ENPP1: variants seen among roughly 807,000 people sequenced by gnomAD.
The protein encoded by ENPP1 is ectonucleotide pyrophosphatase/phosphodiesterase 1.
Under a neutral mutation model 122.8 loss-of-function variants are expected in ENPP1, and 73 were observed. The ratio of observed to expected loss-of-function variants is 0.59; its 90% CI spans 0.49 to 0.72. The LOEUF (loss-of-function observed/expected upper bound fraction) is 0.72, where lower values mean the gene tolerates loss of function less well. Ranked by LOEUF, ENPP1 falls within the 30% of genes least tolerant of loss-of-function variation. ENPP1 has a pLI of 0.00. For missense variants in ENPP1, 978 were observed against 1,128.1 expected, an observed-to-expected ratio of 0.87 and a Z score of 1.91; for synonymous variants, 367 against 391.6, an observed-to-expected ratio of 0.94 and a Z score of 0.74.
chr6:131,844,883 G>A (rs1318347145), intron 1 of ENPP1, among the ~76,000 whole-genome samples: 2 of 152,074 alleles, frequency 1.3e-5, no homozygotes, highest in African/African-American at 2.4e-5. Flanking sequence ...ATTGGAAACT[G>A]ATCTAAACTT....
chr6:131,870,785 A>T (rs904615381), intron 13 of ENPP1, among the ~76,000 whole-genome samples: 2 of 152,220 alleles, frequency 1.3e-5, no homozygotes, highest in African/African-American at 4.8e-5. Context: ...TATAAAAACT[A>T]TACAGATAGA....
In ENPP1 at chr6:131,873,374, C is replaced by T. The variant is rs138705784; in HGVS notation, c.1565+324C>T. Among the ~76,000 whole-genome samples the T allele has an allele frequency of 1.1e-4, 16 of 152,232 alleles. No individual in the cohort carries two copies. In the East Asian group the frequency reaches 3.1e-3, roughly 29 times the overall value. ...AGTCCCATGGGGAGGAAGGATCACC[C>T]AGACCATCCTTGGCTAAGAACCATT... On this transcript the variant is annotated intron_variant, in intron 15 of 24. Coordinates refer to ENST00000647893, the MANE Select transcript of ENPP1 (RefSeq NM_006208.3).
chr6:131,869,325 A>G (rs199561870), intron 12 of ENPP1, 33 bp from the exon 13 acceptor site: 15 of 1,610,260 alleles, frequency 9.3e-6, no homozygotes, highest in Non-Finnish European at 1.3e-5. Context: ...TGTTAAAGTT[A>G]CAGCATGTTT....
In ENPP1 at chr6:131,878,519, A is replaced by C. The variant is rs775633958; in HGVS notation, c.1894-23A>C. 6.5e-6 allele frequency: 10 copies of C among 1,548,784 alleles called. No individual in the cohort carries two copies. In the African/African-American group the frequency reaches 1.4e-4, roughly 21 times the overall value. ...TAAAACATGTCTCTCAGTCCTTAAA[A>C]ATAGTTTTATAACCTTTTTTAGATT... On this transcript the variant is annotated intron_variant, in intron 18 of 24. Transcript: ENST00000647893.
intron 1 of ENPP1, among the ~76,000 whole-genome samples, chr6:131,832,456 A>C (rs1338093327): frequency 1.3e-5 from 2 of 152,152 alleles, no homozygotes; most frequent in Admixed American, 6.5e-5. Context: ...TTACCTTGGG[A>C]ATGATTTAGG....
At chr6:131,831,114 C>CAAAAAAAAAAAAA (rs3036850) in intron 1 of ENPP1, among the ~76,000 whole-genome samples, 24 of 59,940 alleles carry the variant, frequency 4.0e-4, no homozygotes, top group Non-Finnish European at 4.9e-4. Flanking sequence ...GCCCATCTCT[C>CAAAAAAAAAAAAA]AAAAAAAAAA....
chr6:131,852,484 A>G (rs1030581472), intron 5 of ENPP1, among the ~76,000 whole-genome samples: 1 of 152,136 alleles, frequency 6.6e-6, no homozygotes, highest in Non-Finnish European at 1.5e-5. Context: ...TCCAGTGAGC[A>G]TTTCCTTTGA....
rs1175502992 is a variant in ENPP1 at position 131,894,432 on chromosome 6, C to T, written c.*3921C>T. The T allele has an allele frequency of 1.3e-5, 2 of 152,162 alleles. No individual in the cohort carries two copies. The highest frequency in any genetic ancestry group is 3.9e-4 in the East Asian group (2 of 5,172). 9.4% of individuals were successfully genotyped at this position (152,162 alleles called of 1,614,324 possible). On this transcript the variant is annotated 3_prime_UTR_variant, in exon 25 of 25. Coordinates refer to ENST00000647893, the MANE Select transcript of ENPP1 (RefSeq NM_006208.3). ...TCCTGAGTAGCTGGGATTATAGGCGCATGCCACACCTGGCTTTTTGTATTT... is the reference window on the plus strand; with the variant it reads ...TCCTGAGTAGCTGGGATTATAGGCGTATGCCACACCTGGCTTTTTGTATTT...
At position 131,894,756 on chromosome 6, in the gene ENPP1, C is replaced by G. The variant is rs925513647; in HGVS notation, c.*4245C>G. The G allele has an allele frequency of 2.0e-5, 3 of 152,208 alleles. No individual in the cohort carries two copies. The highest frequency in any genetic ancestry group is 7.2e-5 in the African/African-American group (3 of 41,444). 9.4% of individuals were successfully genotyped at this position (152,208 alleles called of 1,614,324 possible). ...GAAGTAGCTGCATAGAGTACAAGGA[C>G]TGGTAGGCCTGTTGGCTGTTCCTGT... On this transcript the variant is annotated 3_prime_UTR_variant, in exon 25 of 25. Coordinates refer to ENST00000647893, the MANE Select transcript of ENPP1 (RefSeq NM_006208.3).
chr6:131,854,203 G>A (rs1483614015), intron 5 of ENPP1, among the ~76,000 whole-genome samples: 84 of 151,942 alleles, frequency 5.5e-4, no homozygotes, highest in Non-Finnish European at 2.9e-5. Flanking sequence ...CTAGGAGTTC[G>A]AGACCAGCCT....
intron 5 of ENPP1, among the ~76,000 whole-genome samples, chr6:131,854,450 G>A (rs1781920009): frequency 6.6e-6 from 1 of 151,874 alleles, no homozygotes; most frequent in Non-Finnish European, 1.5e-5. Context: ...TAATAAAATA[G>A]TGTGTAATGT....
At chr6:131,889,725 A>G (rs6905840) in intron 24 of ENPP1, among the ~76,000 whole-genome samples, 17,706 of 152,074 alleles carry the variant, frequency 0.12, 1,943 homozygotes, top group African/African-American at 0.29. Flanking sequence ...TGTCTCTCCT[A>G]TTGTGAATAG....
At chr6:131,887,660 GC>G (rs1463004654) in intron 24 of ENPP1, among the ~76,000 whole-genome samples, 1 of 128,782 alleles carries the variant, frequency 7.8e-6, no homozygotes, top group Non-Finnish European at 1.6e-5. Flanking sequence ...CTGGGCTCAC[GC>G]CATTCTCCTG....
intron 1 of ENPP1, chr6:131,819,953 T>C (rs76383098): frequency 4.3e-5 from 24 of 561,454 alleles, no homozygotes; most frequent in South Asian, 3.3e-4. Flanking sequence ...TTTTTTTTTT[T>C]CGCATCTTGC....
Position 131,850,080 on chromosome 6 carries a change from A to G in ENPP1, c.404A>G (p.Asp135Gly). ...GTTGAGCTTGGAAACTGCTGTTTAGATTACCAGGAGACGTGCATAGAACCA... is the reference window on the plus strand; with the variant it reads ...GTTGAGCTTGGAAACTGCTGTTTAGGTTACCAGGAGACGTGCATAGAACCA... ...ACVELGNCCL[D>G]YQETCIEPEH... The change falls in exon 3 of 25, where the codon GAT (aspartate) becomes GGT (glycine). Residue 135 changes from aspartate (D) to glycine (G), a missense_variant. By Grantham distance (94) the Asp-to-Gly change is moderately conservative. Transcript: ENST00000647893. The G allele has an allele frequency of 4.3e-6, 7 of 1,613,012 alleles. No individual in the cohort carries two copies. Among genetic ancestry groups the G allele is most frequent in the East Asian group, 2.2e-5 (1 of 44,848 alleles).
At chr6:131,810,644 A>C (rs75575511) in intron 1 of ENPP1, among the ~76,000 whole-genome samples, 2,296 of 152,300 alleles carry the variant, frequency 0.015, 67 homozygotes, top group African/African-American at 0.053. Context: ...ACTAATTGCA[A>C]CCTGGGGTTG....
chr6:131,834,676 G>T (rs1236741890), intron 1 of ENPP1, among the ~76,000 whole-genome samples: 1 of 151,980 alleles, frequency 6.6e-6, no homozygotes, highest in Non-Finnish European at 1.5e-5. Context: ...GATTACAGGC[G>T]TGTGCCACTA....
intron 18 of ENPP1, chr6:131,877,507 G>A (rs1782245780): frequency 8.9e-6 from 3 of 337,524 alleles, no homozygotes; most frequent in African/African-American, 4.2e-5. Flanking sequence ...TAGCAGTGAG[G>A]TGATGAGCAC....
chr6:131,869,264 C>A, intron 12 of ENPP1, 94 bp from the exon 13 acceptor site: 1 of 1,266,856 alleles, frequency 7.9e-7, no homozygotes, highest in Non-Finnish European at 1.1e-6. Flanking sequence ...CCATGTTTAA[C>A]GAATTTAACC....
Sources: gnomAD v4.1 joint callset for allele counts (sites outside exome capture counted in the v4.1 genomes callset) on GRCh38, gnomAD v4.1.1 for gene constraint, MANE v1.5 for transcripts, NCBI Gene and HGNC (gene_info 2026-07-23, HGNC 2026-07-21) for gene names.